The following RIOK3 variants were observed in gnomAD, a reference collection of about 807,000 sequenced individuals.
RIOK3 encodes the protein serine/threonine-protein kinase RIO3.
Under a neutral mutation model 63.5 loss-of-function variants are expected in RIOK3, and 40 were observed. The ratio of observed to expected loss-of-function variants is 0.63; its 90% CI spans 0.49 to 0.82. RIOK3 has a LOEUF of 0.82. RIOK3 is among the 40% of genes least tolerant of loss of function. The pLI, the probability that RIOK3 is intolerant of heterozygous loss-of-function variation, is 0.00. For synonymous variants in RIOK3, 193 were observed against 205.0 expected (o/e 0.94, Z 0.50); for missense variants, 557 against 637.0 (o/e 0.87, Z 1.35).
At chr18:23,480,578 CACACACACACACAT>C (rs1175022842) in intron 12 of RIOK3, among the ~76,000 whole-genome samples, 3 of 151,724 alleles carry the variant, frequency 2.0e-5, no homozygotes, top group East Asian at 3.9e-4. Flanking sequence ...CACACACACA[CACACACACACACAT>C]AGTAATTTCA....
intron 8 of RIOK3, among the ~76,000 whole-genome samples, chr18:23,474,438 T>C (rs560378456): frequency 2.6e-5 from 4 of 152,336 alleles, no homozygotes; most frequent in South Asian, 2.1e-4. Context: ...AAGGTCTTGC[T>C]GTCCTCCAGT....
At chr18:23,460,204 C>T (rs140616497) in intron 1 of RIOK3, among the ~76,000 whole-genome samples, 1 of 152,384 alleles carries the variant, frequency 6.6e-6, no homozygotes, top group Non-Finnish European at 1.5e-5. Flanking sequence ...CCTCCTACTT[C>T]AGCCTCCTGA....
intron 1 of RIOK3, among the ~76,000 whole-genome samples, chr18:23,460,319 A>G (rs1297761994): frequency 6.6e-6 from 1 of 152,114 alleles, no homozygotes; most frequent in African/African-American, 2.4e-5. Context: ...TTTGGATTTT[A>G]TATTGCAGTC....
intron 1 of RIOK3, among the ~76,000 whole-genome samples, chr18:23,455,279 T>C (rs1386551779): frequency 1.3e-5 from 2 of 152,028 alleles, no homozygotes; most frequent in Non-Finnish European, 2.9e-5. Context: ...TTCACCGTAT[T>C]GGCCAGGCTG....
In RIOK3 at chr18:23,453,346, G is replaced by C. The variant is rs1006517985; in HGVS notation, c.-94G>C. 6.7e-6 allele frequency: 7 copies of C among 1,043,962 alleles called. No individual in the cohort carries two copies. Among genetic ancestry groups the C allele is most frequent in the African/African-American group, 6.3e-5 (4 of 64,000 alleles). 64.7% of individuals were successfully genotyped at this position (1,043,962 alleles called of 1,614,324 possible). The stretch of plus-strand genomic sequence containing the variant: ...TGTCACCTCCACTCCGGCATCAGCA[G>C]CCAGTCGCCCGTGTCCCGCCTGTCT... On this transcript the variant is annotated 5_prime_UTR_variant, in exon 1 of 13. Transcript: ENST00000339486.
chr18:23,464,519 C>A lies in RIOK3; in HGVS notation c.434C>A (p.Ala145Glu). The stretch of plus-strand genomic sequence containing the variant: ...CCTGGCTTATTTCAATTGCCTTTAG[C>A]AAAACCGGTTCCCACTCCTAAAAAG... ...QDTRDDPYRP[A>E]KPVPTPKKGF... The change falls in exon 5 of 13, where the codon GCA becomes GAA. Residue 145 changes from alanine to glutamate, a missense_variant and splice_region_variant. Ala to Glu is a moderately radical substitution (Grantham distance 107). Coordinates refer to ENST00000339486, the MANE Select transcript of RIOK3 (RefSeq NM_003831.5). 6.3e-7 allele frequency: 1 copy of A among 1,589,744 alleles called. No individual in the cohort carries two copies. Among genetic ancestry groups the A allele is most frequent in the Non-Finnish European group, 8.5e-7 (1 of 1,169,896 alleles).
At chr18:23,462,428 A>G (rs1250730127) in intron 1 of RIOK3, among the ~76,000 whole-genome samples, 1 of 152,220 alleles carries the variant, frequency 6.6e-6, no homozygotes. Flanking sequence ...GGCGCGCGCC[A>G]CCGCGCCTGG....
intron 8 of RIOK3, among the ~76,000 whole-genome samples, chr18:23,474,354 A>G (rs1501412): frequency 0.95 from 144,394 of 152,164 alleles, 68,564 homozygotes; most frequent in African/African-American, 0.96. Context: ...TTAGACTCCC[A>G]AGACCTTGTC....
At chr18:23,455,245 T>TG (rs2057331174) in intron 1 of RIOK3, among the ~76,000 whole-genome samples, 1 of 151,870 alleles carries the variant, frequency 6.6e-6, no homozygotes, top group Admixed American at 6.6e-5. Flanking sequence ...CTGATTTTCG[T>TG]ATTTTTTTTT....
chr18:23,463,642 C>T (rs1220199682), intron 2 of RIOK3, among the ~76,000 whole-genome samples: 1 of 152,150 alleles, frequency 6.6e-6, no homozygotes, highest in Admixed American at 6.5e-5. Flanking sequence ...CTCCTGACCT[C>T]AGATGATCCG....
intron 11 of RIOK3, among the ~76,000 whole-genome samples, chr18:23,477,678 A>C (rs1377601229): frequency 2.0e-5 from 3 of 151,424 alleles, no homozygotes; most frequent in African/African-American, 7.3e-5. Flanking sequence ...CAGGAGACTC[A>C]CTTGAACCTG....
chr18:23,456,085 C>G (rs145047680), intron 1 of RIOK3, among the ~76,000 whole-genome samples: 1 of 152,082 alleles, frequency 6.6e-6, no homozygotes, highest in African/African-American at 2.4e-5. Flanking sequence ...TGTGAGCCAC[C>G]GCGCCCAGCC....
chr18:23,474,177 T>G (rs754616589), intron 8 of RIOK3, among the ~76,000 whole-genome samples: 1 of 152,178 alleles, frequency 6.6e-6, no homozygotes, highest in African/African-American at 2.4e-5. Context: ...TCTAAAGATA[T>G]TTGCTTTCAA....
intron 1 of RIOK3, among the ~76,000 whole-genome samples, chr18:23,458,105 G>A (rs2145669288): frequency 6.7e-6 from 1 of 148,938 alleles, no homozygotes; most frequent in South Asian, 2.1e-4. Context: ...GGGTTTCACT[G>A]TGTTGCCCAG....
At chr18:23,477,798 A>G (rs1279187555) in intron 11 of RIOK3, among the ~76,000 whole-genome samples, 2 of 139,272 alleles carry the variant, frequency 1.4e-5, no homozygotes, top group Admixed American at 7.2e-5. Context: ...TGCCAGGTGC[A>G]GTGGTTCATG....
At position 23,464,610 on chromosome 18, in the gene RIOK3, C is replaced by T. The variant is rs368018452; in HGVS notation, c.525C>T (p.Asn175=). 2.6e-5 allele frequency: 42 copies of T among 1,588,320 alleles called. No homozygotes were observed. The African/African-American group carries it at 5.2e-4, about 19-fold the overall frequency. ...ATGAAGTAGTATGTGGGAGAAAGAA[C>T]ACAGCAAGAATGGAAAATGTAAGTT... ...KHDEVVCGRK[N]TARMENFAPE... is the part of the protein sequence containing the mutation. The change falls in exon 5 of 13, where the codon AAC becomes AAT. Residue 175 remains asparagine, a synonymous_variant. Coordinates refer to ENST00000339486, the MANE Select transcript of RIOK3 (RefSeq NM_003831.5).
intron 12 of RIOK3, 144 bp downstream of exon 12, chr18:23,479,568 G>T (rs2057517763): frequency 1.6e-5 from 9 of 552,096 alleles, no homozygotes; most frequent in South Asian, 5.0e-5. Context: ...GATGTTTTTG[G>T]TTTTTTCTTT....
chr18:23,469,325 C>CCCCA (rs2057433250), intron 7 of RIOK3, among the ~76,000 whole-genome samples: 1 of 30,326 alleles, frequency 3.3e-5, no homozygotes, highest in Admixed American at 4.1e-4. Flanking sequence ...CTCTCTCTCT[C>CCCCA]TCTCTCTCTC....
At position 23,477,048 on chromosome 18, in the gene RIOK3, G is replaced by A; in HGVS notation, c.1216G>A (p.Asp406Asn). Residue 406 changes from aspartate (D) to asparagine (N), a missense_variant, in exon 10 of 13, where the codon GAC becomes AAC. This residue lies in a region of RIOK3 where 309 missense variants were observed against 338.7 expected (regional missense o/e 0.91). Transcript: ENST00000339486. ...TCATGAATGTACGCTTGTCCATGCT[G>A]ACCTCAGTGAGTATAACATGCTGTG... ...LYHECTLVHA[D>N]LSEYNMLWHA... The A allele has an allele frequency of 1.2e-6, 2 of 1,614,006 alleles. No homozygotes were observed. The highest frequency in any genetic ancestry group is 8.5e-7 in the Non-Finnish European group (1 of 1,179,976).
Sources: gnomAD v4.1 joint callset for allele counts (sites outside exome capture counted in the v4.1 genomes callset) on GRCh38, gnomAD v4.1.1 for gene constraint, gnomAD v4.1.1 regional missense constraint, MANE v1.5 for transcripts, NCBI Gene and HGNC (gene_info 2026-07-23, HGNC 2026-07-21) for gene names.